MME: variants seen among roughly 807,000 people sequenced by gnomAD.
MME encodes neprilysin.
A neutral mutation model predicts 113.2 loss-of-function variants in MME; 98 were observed. The observed-to-expected ratio is 0.87, with a 90% CI of 0.74 to 1.02. The LOEUF is 1.02. Among genes scored for constraint, MME ranks in the 50% least tolerant of loss-of-function variants. MME has a pLI of 0.00. For synonymous variants in MME, 292 were observed against 300.6 expected (o/e 0.97, Z 0.30); for missense variants, 836 against 896.0 (o/e 0.93, Z 0.86).
chr3:155,091,515 A>G (rs61762353), intron 3 of MME, among the ~76,000 whole-genome samples: 1,720 of 152,302 alleles, frequency 0.011, 35 homozygotes, highest in African/African-American at 0.039. Flanking sequence ...GAAATTATCT[A>G]CATGTAGAGG....
intron 1 of MME, among the ~76,000 whole-genome samples, chr3:155,031,064 A>T (rs972037883): frequency 6.6e-6 from 1 of 152,176 alleles, no homozygotes; most frequent in Non-Finnish European, 1.5e-5. Flanking sequence ...CCTACAGGGG[A>T]TCCAAAGAGG....
At chr3:155,162,191 G>C (rs1217239815) in intron 17 of MME, among the ~76,000 whole-genome samples, 1 of 152,130 alleles carries the variant, frequency 6.6e-6, no homozygotes, top group African/African-American at 2.4e-5. Flanking sequence ...GACCACTCTG[G>C]CATGTTCAGT....
At chr3:155,036,068 G>A (rs1713117675) in intron 1 of MME, among the ~76,000 whole-genome samples, 1 of 152,032 alleles carries the variant, frequency 6.6e-6, no homozygotes, top group South Asian at 2.1e-4. Context: ...TAAAGCAGAT[G>A]GAATTTACTA....
chr3:155,159,922 T>C (rs1415860883), intron 16 of MME, among the ~76,000 whole-genome samples: 1 of 152,072 alleles, frequency 6.6e-6, no homozygotes, highest in African/African-American at 2.4e-5. Context: ...ACTTGAGATA[T>C]CTTAGTTCCC....
chr3:155,057,857 GC>G (rs1008646178), intron 1 of MME, among the ~76,000 whole-genome samples: 2 of 151,916 alleles, frequency 1.3e-5, no homozygotes, highest in African/African-American at 4.8e-5. Context: ...GTCATATTTT[GC>G]CTCTCTTTCC....
At chr3:155,159,339 GAAC>G (rs1169957455) in intron 16 of MME, among the ~76,000 whole-genome samples, 1 of 151,960 alleles carries the variant, frequency 6.6e-6, no homozygotes, top group Non-Finnish European at 1.5e-5. Flanking sequence ...CATGAAAGTA[GAAC>G]AACTGCAGTG....
intron 1 of MME, among the ~76,000 whole-genome samples, chr3:155,056,108 C>T (rs1353248095): frequency 2.0e-5 from 3 of 152,116 alleles, no homozygotes; most frequent in African/African-American, 7.2e-5. Context: ...TTGAATTCTA[C>T]CTGCAGCACT....
In MME at chr3:155,069,341, A is replaced by G. The variant is rs564307693; in HGVS notation, c.-10-14817A>G. ...TGAAAGTTCAAGAAATAGATGTATT[A>G]AAGATTAAGAAATGTCATCAGGCTA... On this transcript the variant is annotated intron_variant, in intron 1 of 22. Coordinates refer to the MME transcript ENST00000492661. Among the ~76,000 whole-genome samples the G allele has an allele frequency of 3.3e-5, 5 of 152,330 alleles. No homozygotes were observed. In the South Asian group the frequency reaches 1.0e-3, roughly 32 times the overall value.
chr3:155,160,587 G>A, intron 17 of MME, 139 bp downstream of exon 17: 1 of 641,838 alleles, frequency 1.6e-6, no homozygotes, highest in Non-Finnish European at 2.8e-6. Flanking sequence ...TTTCTTGAAA[G>A]TAAATGCATC....
At chr3:155,030,382 T>C (rs1355349058) in intron 1 of MME, among the ~76,000 whole-genome samples, 1 of 152,064 alleles carries the variant, frequency 6.6e-6, no homozygotes, top group African/African-American at 2.4e-5. Context: ...TACACTTAGG[T>C]GGTCTTTTCA....
chr3:155,167,962 TGA>T (rs1711518270), intron 18 of MME, among the ~76,000 whole-genome samples: 1 of 152,140 alleles, frequency 6.6e-6, no homozygotes, highest in South Asian at 2.1e-4. Flanking sequence ...TCAAAACACA[TGA>T]TACATATAAA....
chr3:155,134,071 G>C (rs1720424393), intron 8 of MME, among the ~76,000 whole-genome samples: 1 of 151,920 alleles, frequency 6.6e-6, no homozygotes, highest in Admixed American at 6.6e-5. Flanking sequence ...TTGAGTTGCT[G>C]AGAATATACG....
chr3:155,067,730 A>G (rs1325011748), intron 1 of MME, among the ~76,000 whole-genome samples: 2 of 152,182 alleles, frequency 1.3e-5, no homozygotes, highest in Admixed American at 1.3e-4. Context: ...TAAGACCATA[A>G]TACACCATCA....
chr3:155,103,179 G>C (rs1327964339), intron 3 of MME, among the ~76,000 whole-genome samples: 1 of 152,132 alleles, frequency 6.6e-6, no homozygotes, highest in Non-Finnish European at 1.5e-5. Context: ...AGTTTTGACT[G>C]TTTCTATTTT....
At chr3:155,045,230 A>G (rs1013948600) in intron 1 of MME, among the ~76,000 whole-genome samples, 32 of 151,168 alleles carry the variant, frequency 2.1e-4, no homozygotes, top group Non-Finnish European at 4.4e-5. Flanking sequence ...GGCTCACTGC[A>G]ATCTCTGTCT....
At chr3:155,072,249 C>T (rs1161760816) in intron 1 of MME, among the ~76,000 whole-genome samples, 1 of 152,010 alleles carries the variant, frequency 6.6e-6, no homozygotes, top group Non-Finnish European at 1.5e-5. Context: ...TCCCATCCTC[C>T]TCATTCCCAT....
intron 16 of MME, among the ~76,000 whole-genome samples, chr3:155,150,892 A>T (rs1254538070): frequency 6.6e-6 from 1 of 152,188 alleles, no homozygotes; most frequent in African/African-American, 2.4e-5. Flanking sequence ...AATCATTAAG[A>T]CTGAGCCCTA....
chr3:155,125,137 C>T (rs1719515803), intron 8 of MME, among the ~76,000 whole-genome samples: 1 of 137,502 alleles, frequency 7.3e-6, no homozygotes, highest in African/African-American at 2.6e-5. Context: ...CGTTTTTAAG[C>T]CGGTCTGAAA....
chr3:155,033,757 G>A (rs1009433672), intron 1 of MME, among the ~76,000 whole-genome samples: 4 of 152,034 alleles, frequency 2.6e-5, no homozygotes, highest in Admixed American at 2.6e-4. Flanking sequence ...AAAAGAGCAG[G>A]CAGTTTGTAG....
Sources: allele counts gnomAD v4.1 joint callset (sites outside exome capture counted in the v4.1 genomes callset), GRCh38; gene constraint gnomAD v4.1.1; transcripts MANE v1.5; gene names NCBI Gene and HGNC (gene_info 2026-07-23, HGNC 2026-07-21).